The following BICC1 variants were observed in gnomAD, a reference collection of about 807,000 sequenced individuals.
BICC1 encodes the protein BicC family RNA binding protein 1.
BICC1 carries 43 observed loss-of-function variants against 111.0 expected under a neutral mutation model. That is an observed-to-expected ratio of 0.39 (90% CI 0.30 to 0.50). The LOEUF is 0.50. Ranked by LOEUF, BICC1 falls within the 20% of genes least tolerant of loss-of-function variation. The pLI, the probability that BICC1 is intolerant of heterozygous loss-of-function variation, is 0.88. For synonymous variants in BICC1, 467 were observed against 434.4 expected, an observed-to-expected ratio of 1.07 and a Z score of -0.93; for missense variants, 1,091 against 1,203.2, an observed-to-expected ratio of 0.91 and a Z score of 1.38.
intron 1 of BICC1, among the ~76,000 whole-genome samples, chr10:58,532,922 A>T (rs1842719934): frequency 6.6e-6 from 1 of 151,876 alleles, no homozygotes; most frequent in South Asian, 2.1e-4. Context: ...GACAAAGCAC[A>T]ATCAAAGCAA....
intron 2 of BICC1, among the ~76,000 whole-genome samples, chr10:58,686,783 G>T (rs928631047): frequency 6.6e-6 from 1 of 152,072 alleles, no homozygotes; most frequent in Non-Finnish European, 1.5e-5. Flanking sequence ...CTTTTTTCAA[G>T]GTTTTCAGCT....
chr10:58,648,591 CTCTCTCTT>C (rs1838341522), intron 2 of BICC1: 5 of 984,102 alleles, frequency 5.1e-6, no homozygotes, highest in Non-Finnish European at 6.0e-6. Flanking sequence ...GTGCCTCTCT[CTCTCTCTT>C]TCTCTCTCTC....
At chr10:58,687,412 T>G (rs1251217529) in intron 2 of BICC1, among the ~76,000 whole-genome samples, 1 of 152,222 alleles carries the variant, frequency 6.6e-6, no homozygotes, top group Non-Finnish European at 1.5e-5. Context: ...GACAGGGACG[T>G]TTAAGTCTGC....
At chr10:58,562,665 C>T (rs1449649584) in intron 1 of BICC1, among the ~76,000 whole-genome samples, 4 of 151,964 alleles carry the variant, frequency 2.6e-5, no homozygotes, top group Non-Finnish European at 4.4e-5. Context: ...TTGGAGGTGT[C>T]ATATTCCTTG....
chr10:58,792,267 A>C (rs1843205511), intron 8 of BICC1, among the ~76,000 whole-genome samples: 1 of 152,206 alleles, frequency 6.6e-6, no homozygotes, highest in Non-Finnish European at 1.5e-5. Flanking sequence ...GAAAAAAAAA[A>C]AATCTAAAAA....
chr10:58,641,022 T>C (rs1183629241), intron 2 of BICC1, among the ~76,000 whole-genome samples: 1 of 152,240 alleles, frequency 6.6e-6, no homozygotes, highest in Non-Finnish European at 1.5e-5. Flanking sequence ...GAGGATATAA[T>C]TGTATTTTCT....
At chr10:58,559,317 A>G (rs769161893) in intron 1 of BICC1, among the ~76,000 whole-genome samples, 21 of 152,060 alleles carry the variant, frequency 1.4e-4, no homozygotes, top group Non-Finnish European at 2.6e-4. Flanking sequence ...TTTGCATGCT[A>G]AATTTATTTC....
At chr10:58,581,720 A>G (rs1446037158) in intron 1 of BICC1, among the ~76,000 whole-genome samples, 1 of 152,182 alleles carries the variant, frequency 6.6e-6, no homozygotes, top group Non-Finnish European at 1.5e-5. Context: ...TGTATTATAA[A>G]TAAGAGGGAG....
Position 58,702,055 on chromosome 10 carries a change from C to T in BICC1, c.238-19C>T, listed in dbSNP as rs753896235. On this transcript the variant is annotated intron_variant, in intron 2 of 20. Coordinates refer to ENST00000373886, the MANE Select transcript of BICC1 (RefSeq NM_001080512.3). ...CAAGTTTTTAATTGAGTCAATATTT[C>T]TCTCAATTTTTGTTACAGATCATGG... is the stretch of plus-strand genomic sequence containing the variant. The T allele has an allele frequency of 1.3e-6, 2 of 1,589,228 alleles. No individual in the cohort carries two copies. Among genetic ancestry groups the T allele is most frequent in the African/African-American group, 2.7e-5 (2 of 74,174 alleles).
intron 6 of BICC1, among the ~76,000 whole-genome samples, chr10:58,788,630 A>G (rs1843082506): frequency 6.6e-6 from 1 of 152,232 alleles, no homozygotes; most frequent in Non-Finnish European, 1.5e-5. Flanking sequence ...TATGTTATTT[A>G]TAAAATTTTT....
chr10:58,734,886 C>T (rs572638973), intron 3 of BICC1, among the ~76,000 whole-genome samples: 1 of 152,202 alleles, frequency 6.6e-6, no homozygotes, highest in East Asian at 1.9e-4. Context: ...AAAGAGTCAG[C>T]CTTGTGCATT....
intron 8 of BICC1, among the ~76,000 whole-genome samples, 190 bp from the exon 9 acceptor site, chr10:58,793,294 G>T (rs1843238372): frequency 6.6e-6 from 1 of 152,088 alleles, no homozygotes; most frequent in Non-Finnish European, 1.5e-5. Flanking sequence ...TCCAAAAATG[G>T]TTTTCTCCCC....
At chr10:58,527,177 A>G (rs1257345087) in intron 1 of BICC1, among the ~76,000 whole-genome samples, 1 of 152,180 alleles carries the variant, frequency 6.6e-6, no homozygotes, top group Non-Finnish European at 1.5e-5. Context: ...TCTGATGGCC[A>G]GTGATGATGA....
chr10:58,772,914 A>T lies in BICC1; in HGVS notation c.308-12087A>T, dbSNP rs538965949. On this transcript the variant is annotated intron_variant, in intron 3 of 20. Coordinates refer to ENST00000373886, the MANE Select transcript of BICC1 (RefSeq NM_001080512.3). ...GTAAAAGTTGTATGGAAGCCAAGAA[A>T]ATATTAAAGAAATTCAAAAATGCTG... Among the ~76,000 whole-genome samples the T allele has an allele frequency of 5.3e-5, 8 of 152,360 alleles. No homozygotes were observed. In the South Asian group the frequency reaches 1.7e-3, roughly 32 times the overall value.
Position 58,703,572 on chromosome 10 carries a change from A to G in BICC1, c.307+1429A>G, listed in dbSNP as rs184525570. ...CAAGTGCAATTCTGTATCTTTGTAT[A>G]AGCCTGTATTTCTCAAGTGGTGTAG... On this transcript the variant is annotated intron_variant, in intron 3 of 20. Transcript: ENST00000373886. 2.4e-3 allele frequency among the ~76,000 whole-genome samples: 365 copies of G among 152,312 alleles called. 2 individuals carry two copies. The highest frequency in any genetic ancestry group is 8.1e-3 in the African/African-American group (338 of 41,578).
intron 2 of BICC1, among the ~76,000 whole-genome samples, chr10:58,630,972 A>C (rs1836731100): frequency 6.6e-6 from 1 of 152,178 alleles, no homozygotes; most frequent in South Asian, 2.1e-4. Context: ...TTACATATAT[A>C]CTATAAAGTA....
intron 3 of BICC1, among the ~76,000 whole-genome samples, chr10:58,776,950 A>G (rs910636453): frequency 6.6e-6 from 1 of 151,942 alleles, no homozygotes; most frequent in African/African-American, 2.4e-5. Flanking sequence ...GATTTCTCTT[A>G]TGCTTTGGAT....
intron 3 of BICC1, among the ~76,000 whole-genome samples, chr10:58,726,340 C>A (rs979335689): frequency 4.6e-5 from 7 of 152,172 alleles, no homozygotes; most frequent in Admixed American, 3.3e-4. Context: ...TAATTTATCT[C>A]ATTCTTCTGA....
intron 1 of BICC1, among the ~76,000 whole-genome samples, chr10:58,531,227 G>A (rs966425775): frequency 4.0e-5 from 6 of 151,814 alleles, no homozygotes; most frequent in Admixed American, 3.3e-4. Flanking sequence ...GGGGACTGCT[G>A]AGAACAAGAG....
Sources: gnomAD v4.1 joint callset for allele counts (sites outside exome capture counted in the v4.1 genomes callset) on GRCh38, gnomAD v4.1.1 for gene constraint, MANE v1.5 for transcripts, NCBI Gene and HGNC (gene_info 2026-07-23, HGNC 2026-07-21) for gene names.